The following GABBR2 variants were observed in gnomAD, a reference collection of about 807,000 sequenced individuals.
GABBR2 encodes the protein G-protein coupled receptor 51.
In GABBR2, 23 loss-of-function variants were observed where a neutral mutation model predicts 105.6. The observed-to-expected ratio is 0.22, with a 90% CI of 0.16 to 0.31. GABBR2 has a LOEUF of 0.31. Among genes scored for constraint, GABBR2 ranks in the 10% least tolerant of loss-of-function variants. The pLI is 1.00. For synonymous variants in GABBR2, 478 were observed against 499.7 expected, an observed-to-expected ratio of 0.96 and a Z score of 0.58; for missense variants, 734 against 1,245.5, an observed-to-expected ratio of 0.59 and a Z score of 6.18.
chr9:98,509,582 G>A (rs1243648101), intron 3 of GABBR2, among the ~76,000 whole-genome samples: 1 of 152,232 alleles, frequency 6.6e-6, no homozygotes, highest in Non-Finnish European at 1.5e-5. Context: ...TAAAGGACCT[G>A]ATGGAGCTGA....
chr9:98,290,344 G>A lies in GABBR2; in HGVS notation c.*240C>T, dbSNP rs142216050. The A allele has an allele frequency of 1.1e-4, 24 of 210,440 alleles. No homozygotes were observed. The highest frequency in any genetic ancestry group is 1.9e-4 in the African/African-American group (8 of 42,772). 13.0% of individuals were successfully genotyped at this position (210,440 alleles called of 1,614,324 possible). On this transcript the variant is annotated 3_prime_UTR_variant, in exon 19 of 19. Coordinates refer to ENST00000259455, the MANE Select transcript of GABBR2 (RefSeq NM_005458.8). ...CTTGTTTGCAGATGTTAAGGAAGAC[G>A]TCCCATTTCCGTTCCTCTTCTTTGT...
chr9:98,420,774 G>C (rs554132307), intron 7 of GABBR2, among the ~76,000 whole-genome samples: 1 of 152,350 alleles, frequency 6.6e-6, no homozygotes, highest in East Asian at 1.9e-4. Flanking sequence ...GGGATGGTGA[G>C]AGTGTACCAG....
chr9:98,586,788 T>C (rs1829083676), intron 1 of GABBR2, among the ~76,000 whole-genome samples: 1 of 152,266 alleles, frequency 6.6e-6, no homozygotes, highest in Non-Finnish European at 1.5e-5. Context: ...TCATTCATTT[T>C]CATAGCTGTG....
chr9:98,378,249 C>T (rs1025372888), intron 11 of GABBR2, among the ~76,000 whole-genome samples: 12 of 152,192 alleles, frequency 7.9e-5, no homozygotes, highest in African/African-American at 2.4e-4. Flanking sequence ...GAGGGCATCA[C>T]ACTCCCCAGT....
intron 14 of GABBR2, among the ~76,000 whole-genome samples, chr9:98,308,883 G>A (rs1011090688): frequency 1.3e-5 from 2 of 152,184 alleles, no homozygotes; most frequent in African/African-American, 2.4e-5. Flanking sequence ...CATCATCCAC[G>A]AATGGCACAG....
chr9:98,520,013 C>T (rs1184188172), intron 3 of GABBR2, among the ~76,000 whole-genome samples: 1 of 152,180 alleles, frequency 6.6e-6, no homozygotes, highest in Non-Finnish European at 1.5e-5. Flanking sequence ...TCTAGACTAG[C>T]ATGCTAGCTA....
At chr9:98,606,722 C>T (rs1006065267) in intron 1 of GABBR2, 5 of 237,078 alleles carry the variant, frequency 2.1e-5, no homozygotes, top group South Asian at 1.1e-4. Context: ...TCAAGTGATC[C>T]GCCCGCCTCG....
intron 11 of GABBR2, among the ~76,000 whole-genome samples, chr9:98,382,903 C>G (rs554173189): frequency 6.6e-6 from 1 of 152,166 alleles, no homozygotes; most frequent in Non-Finnish European, 1.5e-5. Flanking sequence ...GACTTCCATG[C>G]GCTTTGGTTA....
At chr9:98,349,583 T>C (rs185757070) in intron 13 of GABBR2, among the ~76,000 whole-genome samples, 33 of 152,234 alleles carry the variant, frequency 2.2e-4, no homozygotes, top group Non-Finnish European at 3.1e-4. Flanking sequence ...CTCGAACTCC[T>C]GACCTCGTGA....
intron 1 of GABBR2, among the ~76,000 whole-genome samples, chr9:98,596,972 T>C (rs1425475516): frequency 6.6e-6 from 1 of 152,124 alleles, no homozygotes; most frequent in South Asian, 2.1e-4. Context: ...AAGCTTTGCA[T>C]GAAACCCCAG....
chr9:98,612,914 AAGCAAAGGGTTGGAGCAG>A, intron 1 of GABBR2, among the ~76,000 whole-genome samples: 1 of 152,298 alleles, frequency 6.6e-6, no homozygotes, highest in East Asian at 1.9e-4. Context: ...TCACTATTTG[AAGCAAAGGGTTGGAGCAG>A]AGCAGGTAGA....
chr9:98,606,218 G>C (rs912910574), intron 1 of GABBR2, among the ~76,000 whole-genome samples: 13 of 152,316 alleles, frequency 8.5e-5, no homozygotes, highest in African/African-American at 2.9e-4. Flanking sequence ...ATTGTGAATA[G>C]TGCCGCAGTA....
chr9:98,519,705 G>A (rs989420696), intron 3 of GABBR2, among the ~76,000 whole-genome samples: 1 of 138,748 alleles, frequency 7.2e-6, no homozygotes, highest in Non-Finnish European at 1.5e-5. Flanking sequence ...ACTAGGAGCC[G>A]GCAACTTTTT....
intron 4 of GABBR2, among the ~76,000 whole-genome samples, chr9:98,485,127 C>A (rs1827016494): frequency 6.6e-6 from 1 of 152,194 alleles, no homozygotes; most frequent in Non-Finnish European, 1.5e-5. Context: ...GGACTTGGCT[C>A]TGCAGGGAGC....
intron 4 of GABBR2, among the ~76,000 whole-genome samples, chr9:98,493,300 C>G (rs1316916643): frequency 1.3e-5 from 2 of 152,142 alleles, no homozygotes; most frequent in East Asian, 3.9e-4. Flanking sequence ...CCCCATAGAA[C>G]CAGCCATTTG....
At chr9:98,425,325 T>C (rs2098016543) in intron 7 of GABBR2, among the ~76,000 whole-genome samples, 1 of 152,198 alleles carries the variant, frequency 6.6e-6, no homozygotes, top group African/African-American at 2.4e-5. Flanking sequence ...AAATTCTCTG[T>C]ACCTGAAGGA....
chr9:98,626,070 C>T (rs932555144), intron 1 of GABBR2, among the ~76,000 whole-genome samples: 1 of 152,176 alleles, frequency 6.6e-6, no homozygotes, highest in Non-Finnish European at 1.5e-5. Context: ...AGCACTGCAG[C>T]CGTGGGACCC....
At chr9:98,394,743 C>T (rs563264978) in intron 8 of GABBR2, among the ~76,000 whole-genome samples, 21 of 152,200 alleles carry the variant, frequency 1.4e-4, no homozygotes, top group Non-Finnish European at 2.8e-4. Flanking sequence ...CCTGCTCCCC[C>T]ACCCCAGCCC....
chr9:98,371,752 G>A (rs557822601), intron 11 of GABBR2, among the ~76,000 whole-genome samples, 181 bp from the exon 12 acceptor site: 1 of 152,270 alleles, frequency 6.6e-6, no homozygotes, highest in South Asian at 2.1e-4. Context: ...AGTTCTATCA[G>A]CCACTTACCA....
Sources: gnomAD v4.1 joint callset for allele counts (sites outside exome capture counted in the v4.1 genomes callset) on GRCh38, gnomAD v4.1.1 for gene constraint, MANE v1.5 for transcripts, NCBI Gene and HGNC (gene_info 2026-07-23, HGNC 2026-07-21) for gene names.